The following PTBP3 variants were observed in gnomAD, a reference collection of about 807,000 sequenced individuals.
PTBP3 encodes the protein polypyrimidine tract binding protein 3, also known as polypyrimidine tract-binding protein 3.
A neutral mutation model predicts 58.7 loss-of-function variants in PTBP3; 20 were observed. The observed-to-expected ratio is 0.34, with a 90% confidence interval of 0.24 to 0.50. The LOEUF (loss-of-function observed/expected upper bound fraction) is 0.50. Among genes scored for constraint, PTBP3 ranks in the 20% least tolerant of loss-of-function variants. The probability of loss-of-function intolerance (pLI) is 0.98; values close to 1 mark genes in which losing one functional copy is unlikely to be tolerated. For synonymous variants in PTBP3, 185 were observed against 219.8 expected (o/e 0.84, Z 1.40); for missense variants, 509 against 637.2 (o/e 0.80, Z 2.17).
At chr9:112,331,194 T>A (rs938410268) in intron 1 of PTBP3, among the ~76,000 whole-genome samples, 3 of 152,092 alleles carry the variant, frequency 2.0e-5, no homozygotes, top group Admixed American at 1.3e-4. Context: ...GTTTGTTTTT[T>A]AACTACCCAA....
intron 1 of PTBP3, among the ~76,000 whole-genome samples, chr9:112,322,484 T>C (rs548423327): frequency 2.0e-5 from 3 of 152,282 alleles, no homozygotes; most frequent in African/African-American, 7.2e-5. Flanking sequence ...GACTCTAGTA[T>C]AGCAAAGGAT....
chr9:112,294,595 A>G (rs916393897), intron 2 of PTBP3, among the ~76,000 whole-genome samples: 3 of 152,238 alleles, frequency 2.0e-5, no homozygotes, highest in Non-Finnish European at 2.9e-5. Flanking sequence ...CTCCATTGCA[A>G]TTAAGAACAA....
At chr9:112,304,886 C>T (rs996467158) in intron 1 of PTBP3, among the ~76,000 whole-genome samples, 2 of 152,096 alleles carry the variant, frequency 1.3e-5, no homozygotes, top group Non-Finnish European at 2.9e-5. Context: ...TAACAACATC[C>T]TTAACTATTC....
At chr9:112,227,660 G>A (rs373970764) in intron 11 of PTBP3, 33 bp from the exon 12 acceptor site, 11 of 1,504,222 alleles carry the variant, frequency 7.3e-6, no homozygotes, top group African/African-American at 1.4e-5. Flanking sequence ...TAAAGTTTGA[G>A]TATTAGGATA....
At chr9:112,290,703 T>C (rs375433541) in intron 2 of PTBP3, among the ~76,000 whole-genome samples, 25,940 of 62,402 alleles carry the variant, frequency 0.42, 3,659 homozygotes, top group South Asian at 0.53. Context: ...TATATATATA[T>C]ATATACACAC....
At chr9:112,335,037 G>C (rs1052252560), upstream of PTBP3, among the ~76,000 whole-genome samples, 3 of 152,152 alleles carry the variant, frequency 2.0e-5, no homozygotes, top group East Asian at 1.9e-4. Context: ...AAGATAAGTA[G>C]CTGATGCAGT....
rs1376013084 is a variant in PTBP3 at position 112,222,070 on chromosome 9, C to G, written c.*1781G>C. 1.0e-6 allele frequency: 1 copy of G among 976,530 alleles called. No individual in the cohort carries two copies. Among genetic ancestry groups the G allele is most frequent in the Non-Finnish European group, 1.2e-6 (1 of 821,616 alleles). 60.5% of individuals were successfully genotyped at this position (976,530 alleles called of 1,614,324 possible). On this transcript the variant is annotated 3_prime_UTR_variant, in exon 14 of 14. Coordinates refer to ENST00000374257, the MANE Select transcript of PTBP3 (RefSeq NM_001163788.4). Reference sequence around the variant, plus strand: ...CAGGCTCAGCCTGTAGCTGGGACTACAGGCGCACAGGCGCACACCACCATG... The same window carrying G: ...CAGGCTCAGCCTGTAGCTGGGACTAGAGGCGCACAGGCGCACACCACCATG...
intron 7 of PTBP3, among the ~76,000 whole-genome samples, chr9:112,238,224 C>CA (rs1042350629): frequency 2.0e-5 from 3 of 151,738 alleles, no homozygotes; most frequent in South Asian, 2.1e-4. Context: ...AAAAGACATA[C>CA]AAAAAAAATC....
intron 1 of PTBP3, among the ~76,000 whole-genome samples, chr9:112,302,798 C>T (rs1345958223): frequency 1.3e-5 from 2 of 152,080 alleles, no homozygotes; most frequent in East Asian, 1.9e-4. Context: ...CCCTGTTGGT[C>T]AGGCTGGTCT....
the PTBP3 span, among the ~76,000 whole-genome samples, chr9:112,341,696 T>C: frequency 1.3e-5 from 2 of 152,310 alleles, no homozygotes; most frequent in South Asian, 4.1e-4. Context: ...TCTTGTTTCA[T>C]CTTTCAATTA....
intron 2 of PTBP3, among the ~76,000 whole-genome samples, chr9:112,286,747 T>C (rs558027776): frequency 1.3e-5 from 2 of 152,322 alleles, no homozygotes; most frequent in South Asian, 4.1e-4. Context: ...AAAACTCAAG[T>C]TTCTAACTGG....
chr9:112,241,707 A>G (rs7864824), intron 7 of PTBP3, among the ~76,000 whole-genome samples: 128,520 of 151,668 alleles, frequency 0.85, 54,875 homozygotes, highest in African/African-American at 0.95. Context: ...GTTAAGCAAT[A>G]CATGACTGTA....
At chr9:112,251,137 A>T in intron 6 of PTBP3, 34 bp from the exon 7 acceptor site, 1 of 1,476,954 alleles carries the variant, frequency 6.8e-7, no homozygotes, top group Non-Finnish European at 9.1e-7. Flanking sequence ...GGTTTTGGCA[A>T]GACAACAACA....
At chr9:112,288,190 T>C (rs772036649) in intron 2 of PTBP3, among the ~76,000 whole-genome samples, 7 of 152,194 alleles carry the variant, frequency 4.6e-5, no homozygotes, top group Non-Finnish European at 8.8e-5. Context: ...TCAGGTGCCC[T>C]TGAGTGTGCT....
Position 112,268,153 on chromosome 9 carries a change from C to A in PTBP3, c.247G>T (p.Val83Leu), listed in dbSNP as rs762982131. Residue 83 changes from valine (V) to leucine (L), a missense_variant, in exon 4 of 14, where the codon GTG (valine) becomes TTG (leucine). Transcript: ENST00000374257. ...MASEEAAVTMVNYYTPITPHL... is the reference protein window; with the variant it reads ...MASEEAAVTMLNYYTPITPHL... ...GGAGTAATAGGAGTGTAATAATTCA[C>A]CATAGTAACGGCAGCTTCCTCAGAA... 7.7e-5 allele frequency: 125 copies of A among 1,613,024 alleles called. 1 individual carries two copies. In the Admixed American group the frequency reaches 2.1e-3, roughly 27 times the overall value.
At chr9:112,348,821 ACCC>A in the PTBP3 span, among the ~76,000 whole-genome samples, 2 of 150,256 alleles carry the variant, frequency 1.3e-5, no homozygotes, top group Non-Finnish European at 3.0e-5. Flanking sequence ...TAACAATACC[ACCC>A]CCCCTCCCAG....
chr9:112,309,821 G>A (rs1336495743), intron 1 of PTBP3, among the ~76,000 whole-genome samples: 2 of 151,910 alleles, frequency 1.3e-5, no homozygotes, highest in African/African-American at 4.8e-5. Context: ...AATAACTATA[G>A]AGATAAAGGA....
chr9:112,268,311 C>A, intron 3 of PTBP3, 116 bp from the exon 4 acceptor site: 1 of 983,356 alleles, frequency 1.0e-6, no homozygotes, highest in Non-Finnish European at 1.4e-6. Flanking sequence ...AATGACATTT[C>A]CCCCAAGGGG....
intron 12 of PTBP3, among the ~76,000 whole-genome samples, chr9:112,224,883 C>T (rs1378577344): frequency 6.6e-6 from 1 of 152,184 alleles, no homozygotes; most frequent in African/African-American, 2.4e-5. Flanking sequence ...GAACTGGGGC[C>T]TTCGGTCAAC....
Sources: allele counts gnomAD v4.1 joint callset (sites outside exome capture counted in the v4.1 genomes callset), GRCh38; gene constraint gnomAD v4.1.1; transcripts MANE v1.5; gene names NCBI Gene and HGNC (gene_info 2026-07-23, HGNC 2026-07-21).